The following CDK6 variants were observed in gnomAD, a reference collection of about 807,000 sequenced individuals.
CDK6 encodes cyclin-dependent kinase 6.
In CDK6, 6 loss-of-function variants were observed where a neutral mutation model predicts 37.1. The ratio of observed to expected loss-of-function variants is 0.16; its 90% CI spans 0.09 to 0.32. The LOEUF (loss-of-function observed/expected upper bound fraction) is 0.32, where lower values mean the gene tolerates loss of function less well. Among genes scored for constraint, CDK6 ranks in the 10% least tolerant of loss-of-function variants. The probability of loss-of-function intolerance (pLI) is 1.00; values close to 1 mark genes in which losing one functional copy is unlikely to be tolerated. For missense variants in CDK6, 224 were observed against 418.9 expected (o/e 0.53, Z 4.06); for synonymous variants, 160 against 161.3 (o/e 0.99, Z 0.06).
At chr7:92,672,166 T>TACACACACACACACAC (rs1434883987) in intron 4 of CDK6, among the ~76,000 whole-genome samples, 17 of 38,738 alleles carry the variant, frequency 4.4e-4, no homozygotes, top group East Asian at 7.8e-4. Context: ...TATATACACA[T>TACACACACACACACAC]ACACACACAC....
At chr7:92,670,613 A>G (rs762232388) in intron 5 of CDK6, among the ~76,000 whole-genome samples, 1 of 152,240 alleles carries the variant, frequency 6.6e-6, no homozygotes, top group African/African-American at 2.4e-5. Context: ...GATCTTTATT[A>G]TATTATTTGG....
intron 4 of CDK6, among the ~76,000 whole-genome samples, chr7:92,682,803 C>T (rs1487764370): frequency 2.0e-5 from 3 of 152,178 alleles, no homozygotes; most frequent in African/African-American, 7.2e-5. Context: ...AGTCCACCAA[C>T]ATGATCTTTA....
intron 4 of CDK6, among the ~76,000 whole-genome samples, chr7:92,690,483 T>C (rs1055019247): frequency 6.6e-6 from 1 of 152,356 alleles, no homozygotes; most frequent in Non-Finnish European, 1.5e-5. Context: ...TCTATGTGTC[T>C]GTTTTTGTAC....
chr7:92,813,316 G>A (rs1276391621), intron 2 of CDK6, among the ~76,000 whole-genome samples: 1 of 151,986 alleles, frequency 6.6e-6, no homozygotes, highest in Non-Finnish European at 1.5e-5. Flanking sequence ...AACAGAAAGG[G>A]AATCATACTG....
chr7:92,668,426 TA>T (rs974995906), intron 5 of CDK6, among the ~76,000 whole-genome samples: 2 of 140,400 alleles, frequency 1.4e-5, no homozygotes, highest in Admixed American at 1.4e-4. Context: ...CAGAGAGTAG[TA>T]AAAAAAACCT....
At chr7:92,742,162 A>C (rs1021883048) in intron 3 of CDK6, among the ~76,000 whole-genome samples, 1 of 152,224 alleles carries the variant, frequency 6.6e-6, no homozygotes, top group African/African-American at 2.4e-5. Flanking sequence ...GTCCTCTCAG[A>C]ACAACTTGAA....
chr7:92,622,745 A>T (rs1795831290), intron 6 of CDK6, among the ~76,000 whole-genome samples: 4 of 152,098 alleles, frequency 2.6e-5, no homozygotes, highest in Admixed American at 2.6e-4. Context: ...GACCACAAGC[A>T]GAAAATGTAT....
intron 3 of CDK6, among the ~76,000 whole-genome samples, chr7:92,726,360 A>T (rs1307428535): frequency 6.6e-6 from 1 of 152,316 alleles, no homozygotes; most frequent in Non-Finnish European, 1.5e-5. Context: ...ACTGATACAC[A>T]GATGTAGGCT....
At chr7:92,686,974 T>G (rs1344508207) in intron 4 of CDK6, among the ~76,000 whole-genome samples, 1 of 152,202 alleles carries the variant, frequency 6.6e-6, no homozygotes, top group Admixed American at 6.5e-5. Flanking sequence ...GGAATGTTTG[T>G]GGTTTTTTTC....
chr7:92,719,223 C>A (rs28691637), intron 4 of CDK6, among the ~76,000 whole-genome samples: 1 of 151,992 alleles, frequency 6.6e-6, no homozygotes. Context: ...GCTACACAGA[C>A]CATCCCATCA....
intron 4 of CDK6, among the ~76,000 whole-genome samples, chr7:92,697,347 G>C (rs576940540): frequency 6.6e-6 from 1 of 152,284 alleles, no homozygotes; most frequent in Non-Finnish European, 1.5e-5. Flanking sequence ...AGAAGACATA[G>C]CCAAAGAAAA....
intron 5 of CDK6, among the ~76,000 whole-genome samples, chr7:92,654,980 C>A (rs1199232956): frequency 6.6e-6 from 1 of 151,310 alleles, no homozygotes; most frequent in African/African-American, 2.4e-5. Flanking sequence ...CAAGGTGGGA[C>A]TACAGGCACG....
In CDK6 at chr7:92,609,407, G is replaced by A. The variant is rs900686786; in HGVS notation, c.*5733C>T. 47 of 229,246 alleles carry A rather than the reference G, an allele frequency of 2.1e-4. No homozygotes were observed. Among genetic ancestry groups the A allele is most frequent in the African/African-American group, 1.0e-3 (47 of 44,936 alleles). 14.2% of individuals were successfully genotyped at this position (229,246 alleles called of 1,614,324 possible). On this transcript the variant is annotated 3_prime_UTR_variant, in exon 8 of 8. Coordinates refer to ENST00000424848, the MANE Select transcript of CDK6 (RefSeq NM_001145306.2). ...GTTAAGTATGTAGACACACTCCTAA[G>A]TTGTTATGCTCATATACTTCAGACT...
intron 3 of CDK6, among the ~76,000 whole-genome samples, chr7:92,755,555 T>A (rs2115697740): frequency 6.6e-6 from 1 of 152,160 alleles, no homozygotes; most frequent in Middle Eastern, 3.4e-3. Flanking sequence ...GCTGAAACAA[T>A]GTGGTGCGCA....
At chr7:92,828,707 G>A (rs544583340) in intron 2 of CDK6, among the ~76,000 whole-genome samples, 126 of 152,162 alleles carry the variant, frequency 8.3e-4, no homozygotes, top group African/African-American at 2.9e-3. Context: ...TCCTCTTATA[G>A]ACCTTTTTTG....
At position 92,611,440 on chromosome 7, in the gene CDK6, C is replaced by A. The variant is rs1338903805; in HGVS notation, c.*3700G>T. On this transcript the variant is annotated 3_prime_UTR_variant, in exon 8 of 8. Transcript: ENST00000424848. The stretch of plus-strand genomic sequence containing the variant: ...CTCATGTGCTTATCATAAGAATAGT[C>A]AAATTGTCACTTAAAAGAAAAGCAA... 1 of 226,606 alleles carries A rather than the reference C, an allele frequency of 4.4e-6. No individual in the cohort carries two copies. Among genetic ancestry groups the A allele is most frequent in the Non-Finnish European group, 8.8e-6 (1 of 114,082 alleles). The allele number at this position is 226,606 out of a possible 1,614,324, so 14.0% of individuals were successfully genotyped here.
intron 4 of CDK6, among the ~76,000 whole-genome samples, chr7:92,684,778 T>C (rs1183346306): frequency 1.3e-5 from 2 of 152,058 alleles, no homozygotes; most frequent in Non-Finnish European, 2.9e-5. Context: ...GCTGTGGAAA[T>C]AGGAGAGAAG....
chr7:92,821,174 G>T (rs770702067), intron 2 of CDK6, among the ~76,000 whole-genome samples: 1 of 152,102 alleles, frequency 6.6e-6, no homozygotes, highest in Non-Finnish European at 1.5e-5. Flanking sequence ...CTTTGATGCT[G>T]AAAGGGAAGC....
At chr7:92,663,852 C>CT in intron 5 of CDK6, among the ~76,000 whole-genome samples, 1 of 151,924 alleles carries the variant, frequency 6.6e-6, no homozygotes, top group East Asian at 1.9e-4. Context: ...CATAAAAATG[C>CT]TTTTTAAAGA....
Sources: gnomAD v4.1 joint callset for allele counts (sites outside exome capture counted in the v4.1 genomes callset) on GRCh38, gnomAD v4.1.1 for gene constraint, MANE v1.5 for transcripts, NCBI Gene and HGNC (gene_info 2026-07-23, HGNC 2026-07-21) for gene names.